The following TMEM108 variants were observed in gnomAD, a reference collection of about 807,000 sequenced individuals.
The protein encoded by TMEM108 is transmembrane protein 108, also known as cancer/testis antigen 124.
Under a neutral mutation model 35.1 loss-of-function variants are expected in TMEM108, and 12 were observed. The observed-to-expected ratio is 0.34, with a 90% CI of 0.22 to 0.55. The LOEUF is 0.55. Among genes scored for constraint, TMEM108 ranks in the 20% least tolerant of loss-of-function variants. The pLI, the probability that TMEM108 is intolerant of heterozygous loss-of-function variation, is 0.89. For synonymous variants in TMEM108, 287 were observed against 308.6 expected, an observed-to-expected ratio of 0.93 and a Z score of 0.73; for missense variants, 680 against 753.3, an observed-to-expected ratio of 0.90 and a Z score of 1.14.
At chr3:133,115,157 G>T (rs1944271470) in intron 2 of TMEM108, among the ~76,000 whole-genome samples, 1 of 152,136 alleles carries the variant, frequency 6.6e-6, no homozygotes. Context: ...AAAGTGCTTA[G>T]AATTAAATCC....
chr3:133,350,207 T>C (rs2071949332), intron 3 of TMEM108, among the ~76,000 whole-genome samples: 1 of 151,914 alleles, frequency 6.6e-6, no homozygotes, highest in African/African-American at 2.4e-5. Context: ...TCACCACTCA[T>C]ATGTGGTATC....
chr3:133,277,437 T>C (rs1325707796), intron 3 of TMEM108, among the ~76,000 whole-genome samples: 1 of 152,178 alleles, frequency 6.6e-6, no homozygotes, highest in Non-Finnish European at 1.5e-5. Context: ...CTATAAACTG[T>C]TTAAATAAAA....
At chr3:133,122,819 C>A (rs575685202) in intron 2 of TMEM108, among the ~76,000 whole-genome samples, 2 of 147,596 alleles carry the variant, frequency 1.4e-5, no homozygotes. Flanking sequence ...GCTGAGATCA[C>A]GCCACTGTAC....
At chr3:133,236,118 A>G (rs185180837) in intron 3 of TMEM108, among the ~76,000 whole-genome samples, 3 of 152,262 alleles carry the variant, frequency 2.0e-5, no homozygotes, top group Admixed American at 2.0e-4. Context: ...AATACTTAGA[A>G]TTAAGCAGTG....
chr3:133,062,705 A>T (rs1021858480), intron 2 of TMEM108, among the ~76,000 whole-genome samples: 1 of 152,224 alleles, frequency 6.6e-6, no homozygotes, highest in Non-Finnish European at 1.5e-5. Flanking sequence ...CTGTGGATTC[A>T]AGTGAGAATG....
chr3:133,324,343 C>A (rs55828831), intron 3 of TMEM108, among the ~76,000 whole-genome samples: 48,767 of 151,934 alleles, frequency 0.32, 8,555 homozygotes, highest in East Asian at 0.48. Context: ...ACAATCCCAT[C>A]AAAAAGTGGG....
chr3:133,327,900 A>G (rs1487277308), intron 3 of TMEM108, among the ~76,000 whole-genome samples: 2 of 152,178 alleles, frequency 1.3e-5, no homozygotes, highest in African/African-American at 2.4e-5. Flanking sequence ...TAACAAGGGT[A>G]TGGAGTGAAA....
At position 133,362,129 on chromosome 3, in the gene TMEM108, T is replaced by TCCC. The variant is rs1286129820; in HGVS notation, c.41-17622_41-17621insCCC. 6.2e-3 allele frequency among the ~76,000 whole-genome samples: 948 copies of TCCC among 152,164 alleles called. 13 individuals are homozygous for TCCC. The highest frequency in any genetic ancestry group is 0.021 in the African/African-American group (890 of 41,508). On this transcript the variant is annotated intron_variant, in intron 3 of 5. Transcript: ENST00000321871. Reference sequence around the variant, plus strand: ...CCTTCCTGCTGTGGGGAGATGAGGGTCACAGACCCAAGGATACTTCCAGGA... The same window carrying TCCC: ...CCTTCCTGCTGTGGGGAGATGAGGGTCCCCACAGACCCAAGGATACTTCCAGGA...
chr3:133,240,237 A>G (rs140982364), intron 3 of TMEM108, among the ~76,000 whole-genome samples: 42 of 152,342 alleles, frequency 2.8e-4, no homozygotes, highest in African/African-American at 9.9e-4. Flanking sequence ...GGGGTAAGTC[A>G]TTCACATAGA....
At chr3:133,179,282 G>T (rs1355878044) in intron 2 of TMEM108, among the ~76,000 whole-genome samples, 21 of 152,148 alleles carry the variant, frequency 1.4e-4, no homozygotes, top group Middle Eastern at 6.8e-3. Flanking sequence ...GAAATACCAT[G>T]TGACCCAGCC....
chr3:133,206,741 C>A (rs1246444195), intron 2 of TMEM108, among the ~76,000 whole-genome samples: 2 of 152,204 alleles, frequency 1.3e-5, no homozygotes. Context: ...TCTGTCGACC[C>A]CTGCTGTGAA....
intron 2 of TMEM108, among the ~76,000 whole-genome samples, chr3:133,166,255 T>G (rs949453633): frequency 1.3e-5 from 2 of 152,208 alleles, no homozygotes; most frequent in Non-Finnish European, 2.9e-5. Context: ...CTGGGCTTCA[T>G]ACATAGGTGA....
chr3:133,182,636 A>C lies in TMEM108; in HGVS notation c.-46-46630A>C, dbSNP rs1945363612. On this transcript the variant is annotated intron_variant, in intron 2 of 5. Coordinates refer to ENST00000321871, the MANE Select transcript of TMEM108 (RefSeq NM_023943.4). ...TATTTGCCCATTGTGTGCTGGAAAA[A>C]CTGCTACAGCAAGCAGACCTCATTT... 4.6e-5 allele frequency among the ~76,000 whole-genome samples: 7 copies of C among 152,248 alleles called. No individual in the cohort carries two copies. The South Asian group carries it at 1.2e-3, about 27-fold the overall frequency.
At chr3:133,144,355 C>T (rs1036753404) in intron 2 of TMEM108, among the ~76,000 whole-genome samples, 1 of 152,272 alleles carries the variant, frequency 6.6e-6, no homozygotes, top group East Asian at 1.9e-4. Context: ...GCCACATTTT[C>T]TTTATCCAGT....
chr3:133,110,143 G>A lies in TMEM108; in HGVS notation c.-47+64123G>A, dbSNP rs910269257. Among the ~76,000 whole-genome samples the A allele has an allele frequency of 2.0e-5, 3 of 152,066 alleles. No homozygotes were observed. The South Asian group carries it at 6.2e-4, about 31-fold the overall frequency. On this transcript the variant is annotated intron_variant, in intron 2 of 5. Transcript: ENST00000321871. Reference sequence around the variant, plus strand: ...AGTGAAAATGCAATCAGATGAACAAGCAGACAAGTAAAAAGGAGGAAAATC... The same window carrying A: ...AGTGAAAATGCAATCAGATGAACAAACAGACAAGTAAAAAGGAGGAAAATC...
intron 2 of TMEM108, among the ~76,000 whole-genome samples, chr3:133,173,445 G>C (rs1945160465): frequency 6.6e-6 from 1 of 152,140 alleles, no homozygotes; most frequent in Admixed American, 6.5e-5. Context: ...CATCTGCTGA[G>C]GTCAACCAGA....
intron 3 of TMEM108, among the ~76,000 whole-genome samples, chr3:133,256,527 G>A (rs1270920384): frequency 6.6e-6 from 1 of 152,160 alleles, no homozygotes; most frequent in Non-Finnish European, 1.5e-5. Context: ...TAGCAGTTAA[G>A]TTGGGAGGGG....
chr3:133,289,419 G>C (rs1295757297), intron 3 of TMEM108, among the ~76,000 whole-genome samples: 2 of 152,164 alleles, frequency 1.3e-5, no homozygotes, highest in Admixed American at 6.5e-5. Flanking sequence ...ACTGACTGTG[G>C]ATGGAAGCAC....
At chr3:133,083,580 T>A (rs1943842770) in intron 2 of TMEM108, among the ~76,000 whole-genome samples, 2 of 152,190 alleles carry the variant, frequency 1.3e-5, no homozygotes, top group Admixed American at 1.3e-4. Context: ...ATATAGTTCT[T>A]TGTTGTGTCT....
Sources: gnomAD v4.1 joint callset for allele counts (sites outside exome capture counted in the v4.1 genomes callset) on GRCh38, gnomAD v4.1.1 for gene constraint, MANE v1.5 for transcripts, NCBI Gene and HGNC (gene_info 2026-07-23, HGNC 2026-07-21) for gene names.